The following CTNNA2 variants were observed in gnomAD, a reference collection of about 807,000 sequenced individuals.
CTNNA2 encodes the protein catenin alpha-2.
A neutral mutation model predicts 101.0 loss-of-function variants in CTNNA2; 42 were observed. The observed-to-expected ratio is 0.42, with a 90% CI of 0.32 to 0.54. CTNNA2 has a LOEUF of 0.54. CTNNA2 is among the 20% of genes least tolerant of loss of function. The pLI is 0.14. For synonymous variants in CTNNA2, 450 were observed against 456.4 expected (o/e 0.99, Z 0.18); for missense variants, 871 against 1,223.1 (o/e 0.71, Z 4.29).
Position 79,643,069 on chromosome 2 carries a change from T to C in CTNNA2, c.-5-8483T>C, listed in dbSNP as rs113338023. 5.9e-5 allele frequency among the ~76,000 whole-genome samples: 9 copies of C among 152,118 alleles called. 1 individual carries two copies. Among genetic ancestry groups the C allele is most frequent in the African/African-American group, 1.9e-4 (8 of 41,500 alleles). On this transcript the variant is annotated intron_variant, in intron 1 of 18. Coordinates refer to ENST00000402739, the MANE Select transcript of CTNNA2 (RefSeq NM_001282597.3). ...AGCTGGGCATGGTGGCACACGCCTG[T>C]AGTCCAAGCTACTCGGGAGGCTGAG...
intron 9 of CTNNA2, among the ~76,000 whole-genome samples, chr2:80,519,472 C>T (rs539917400): frequency 3.3e-4 from 50 of 152,314 alleles, no homozygotes; most frequent in Non-Finnish European, 5.7e-4. Flanking sequence ...ATGCTCTCTA[C>T]ACCCCCTTCT....
intron 7 of CTNNA2, among the ~76,000 whole-genome samples, chr2:80,119,509 T>C (rs552852725): frequency 2.0e-5 from 3 of 152,334 alleles, no homozygotes; most frequent in Admixed American, 6.5e-5. Flanking sequence ...AGTTTTGATA[T>C]GTTCATGTAG....
chr2:80,562,673 C>T (rs1326250457), intron 12 of CTNNA2, among the ~76,000 whole-genome samples: 1 of 152,040 alleles, frequency 6.6e-6, no homozygotes, highest in Non-Finnish European at 1.5e-5. Context: ...AGGCTAGAAA[C>T]AACACAAATA....
chr2:80,564,612 T>A (rs1693892991), intron 12 of CTNNA2, among the ~76,000 whole-genome samples: 1 of 152,150 alleles, frequency 6.6e-6, no homozygotes, highest in Non-Finnish European at 1.5e-5. Flanking sequence ...AACTTAAATT[T>A]GATTTATGTT....
intron 7 of CTNNA2, among the ~76,000 whole-genome samples, chr2:80,132,546 G>T (rs113100139): frequency 1.3e-5 from 2 of 152,228 alleles, no homozygotes; most frequent in African/African-American, 4.8e-5. Flanking sequence ...CTTTATCATT[G>T]TTACTACCTT....
At chr2:79,963,873 C>T (rs17261307) in intron 7 of CTNNA2, among the ~76,000 whole-genome samples, 5 of 152,006 alleles carry the variant, frequency 3.3e-5, no homozygotes, top group South Asian at 2.1e-4. Context: ...AAGCAAGTAG[C>T]GTTTATCTTT....
Position 80,647,925 on chromosome 2 carries a change from CTTTT to C in CTNNA2, c.*55_*58del, listed in dbSNP as rs1558679084. On this transcript the variant is annotated 3_prime_UTR_variant, in exon 19 of 19. Transcript: ENST00000402739. ...TTCTTTCTTTTCTTTCTTTCTTTTT[CTTTT>C]TAATTCCATTTTTGTATGCATACCT... 6 of 1,505,032 alleles carry C rather than the reference CTTTT, an allele frequency of 4.0e-6. No homozygotes were observed. 93.2% of individuals were successfully genotyped at this position (1,505,032 alleles called of 1,614,324 possible). A position where few individuals can be genotyped will look rare whatever the true frequency, so the allele number is the denominator to read the frequency against.
At chr2:79,410,732 G>A (rs1253910676) in intron 4 of CTNNA2, among the ~76,000 whole-genome samples, 1 of 149,248 alleles carries the variant, frequency 6.7e-6, no homozygotes, top group Non-Finnish European at 1.5e-5. Context: ...TTGCATCAAT[G>A]TTCATCAAGG....
intron 7 of CTNNA2, among the ~76,000 whole-genome samples, chr2:79,923,487 G>T (rs536347252): frequency 6.6e-6 from 1 of 151,984 alleles, no homozygotes; most frequent in Non-Finnish European, 1.5e-5. Context: ...TATTTATGGG[G>T]TACTATGTGA....
At chr2:79,651,917 C>T (rs751183197) in intron 2 of CTNNA2, among the ~76,000 whole-genome samples, 3 of 152,126 alleles carry the variant, frequency 2.0e-5, no homozygotes, top group Non-Finnish European at 4.4e-5. Flanking sequence ...AGGGGGCCCT[C>T]ATTTACGGTA....
intron 7 of CTNNA2, among the ~76,000 whole-genome samples, chr2:80,245,546 A>G (rs11894461): frequency 0.13 from 19,717 of 151,848 alleles, 3,103 homozygotes; most frequent in African/African-American, 0.37. Context: ...TCTGCCTTCT[A>G]TGCCTTTCCT....
chr2:79,320,909 A>G (rs978410612), intron 3 of CTNNA2, among the ~76,000 whole-genome samples: 4 of 152,218 alleles, frequency 2.6e-5, no homozygotes, highest in Non-Finnish European at 5.9e-5. Context: ...ACAGTTAAAG[A>G]ATTACAATTC....
intron 7 of CTNNA2, among the ~76,000 whole-genome samples, chr2:79,934,031 G>A (rs1323016906): frequency 3.3e-5 from 5 of 152,086 alleles, no homozygotes; most frequent in Non-Finnish European, 7.4e-5. Context: ...GGTTCAGGTC[G>A]GCACTAAGCT....
rs1268475649 is a variant in CTNNA2, at chr2:80,302,741, A to T, written c.1057-90470A>T. Reference sequence around the variant, plus strand: ...CTCGGCCCCATCCTCGCACAGGTGGAAGGCGTACACGGCGTCCAGGACGTC... The same window carrying T: ...CTCGGCCCCATCCTCGCACAGGTGGTAGGCGTACACGGCGTCCAGGACGTC... On this transcript the variant is annotated intron_variant, in intron 7 of 18. Transcript: ENST00000402739. The surrounding 1 kb of genome is among the most constrained non-coding windows in gnomAD (Gnocchi z 6.4). The T allele has an allele frequency of 1.9e-6, 3 of 1,613,122 alleles. No homozygotes were observed. Among genetic ancestry groups the T allele is most frequent in the Non-Finnish European group, 1.7e-6 (2 of 1,179,898 alleles).
intron 7 of CTNNA2, among the ~76,000 whole-genome samples, chr2:80,206,369 C>T (rs1189986778): frequency 6.6e-6 from 1 of 152,148 alleles, no homozygotes; most frequent in Non-Finnish European, 1.5e-5. Context: ...GGGATTAGAA[C>T]AATTTGAAGC....
chr2:80,603,231 G>A (rs939116895), intron 15 of CTNNA2, among the ~76,000 whole-genome samples: 5 of 152,182 alleles, frequency 3.3e-5, no homozygotes, highest in African/African-American at 7.2e-5. Context: ...GGAAAGAAAA[G>A]TTATTACATG....
intron 3 of CTNNA2, among the ~76,000 whole-genome samples, chr2:79,748,739 A>C (rs1176364782): frequency 6.9e-6 from 1 of 144,614 alleles, no homozygotes; most frequent in Non-Finnish European, 1.5e-5. Flanking sequence ...TTATCATTAA[A>C]TATATATATA....
At chr2:80,562,604 C>T (rs998783756) in intron 12 of CTNNA2, among the ~76,000 whole-genome samples, 45 of 152,240 alleles carry the variant, frequency 3.0e-4, no homozygotes, top group African/African-American at 9.9e-4. Flanking sequence ...ATCTGTTCTT[C>T]AGATGTACTG....
At chr2:80,357,356 T>C (rs531976158) in intron 7 of CTNNA2, among the ~76,000 whole-genome samples, 12 of 151,998 alleles carry the variant, frequency 7.9e-5, no homozygotes, top group Non-Finnish European at 1.6e-4. Context: ...CATGATGTTC[T>C]GTAGATATAG....
Sources: allele counts gnomAD v4.1 joint callset (sites outside exome capture counted in the v4.1 genomes callset), GRCh38; gene constraint gnomAD v4.1.1; non-coding constraint Gnocchi (gnomAD v3.1); transcripts MANE v1.5; gene names NCBI Gene and HGNC (gene_info 2026-07-23, HGNC 2026-07-21).